The following ADORA2B variants were observed in gnomAD, a reference collection of about 807,000 sequenced individuals.
The protein encoded by ADORA2B is adenosine receptor A2b.
In ADORA2B, 18 loss-of-function variants were observed where a neutral mutation model predicts 20.8. The ratio of observed to expected loss-of-function variants is 0.87; its 90% CI spans 0.60 to 1.29. The LOEUF (loss-of-function observed/expected upper bound fraction) is 1.29. ADORA2B is among the 50% of genes most tolerant of loss of function. ADORA2B has a pLI of 0.00. For synonymous variants in ADORA2B, 179 were observed against 178.3 expected (o/e 1.00, Z -0.03); for missense variants, 441 against 422.7 (o/e 1.04, Z -0.38).
the ADORA2B span, among the ~76,000 whole-genome samples, chr17:15,871,123 G>A: frequency 6.6e-6 from 1 of 152,206 alleles, no homozygotes; most frequent in Non-Finnish European, 1.5e-5. Context: ...GTGCTTTGGG[G>A]CACCCGCTCC....
chr17:15,893,329 GTAAC>G, the ADORA2B span, among the ~76,000 whole-genome samples: 2 of 152,216 alleles, frequency 1.3e-5, no homozygotes, highest in African/African-American at 4.8e-5. Flanking sequence ...TTTGCAATGA[GTAAC>G]TACCATTTCC....
At chr17:15,866,680 G>GCTCTCCCTCTGCCTCTGC in the ADORA2B span, among the ~76,000 whole-genome samples, 1 of 114,284 alleles carries the variant, frequency 8.8e-6, no homozygotes, top group East Asian at 2.5e-4. Flanking sequence ...TCTTCTTTTG[G>GCTCTCCCTCTGCCTCTGC]CTCTCCCTCT....
the ADORA2B span, among the ~76,000 whole-genome samples, chr17:15,872,763 G>A: frequency 9.6e-3 from 1,462 of 152,272 alleles, 24 homozygotes; most frequent in African/African-American, 0.033. Context: ...TGTAACCTGA[G>A]ACTTGACTGT....
At position 15,951,811 on chromosome 17, in the gene ADORA2B, C is replaced by T. The variant is rs76655224; in HGVS notation, c.335+6228C>T. On this transcript the variant is annotated intron_variant, in intron 1 of 1. Coordinates refer to ENST00000304222, the MANE Select transcript of ADORA2B (RefSeq NM_000676.4). ...GGGAGATGGAGGTGGACTTGGTGTGCGTGGGGGTGCTGTGGACAGGTTCCC... is the reference window on the plus strand; with the variant it reads ...GGGAGATGGAGGTGGACTTGGTGTGTGTGGGGGTGCTGTGGACAGGTTCCC... Among the ~76,000 whole-genome samples the T allele has an allele frequency of 3.9e-3, 588 of 152,274 alleles. 7 individuals are homozygous for T. The highest frequency in any genetic ancestry group is 0.013 in the African/African-American group (554 of 41,568).
chr17:15,868,120 A>G, the ADORA2B span, among the ~76,000 whole-genome samples: 1 of 144,080 alleles, frequency 6.9e-6, no homozygotes, highest in Admixed American at 7.0e-5. Flanking sequence ...CTCAGGGTTG[A>G]ATGGATTAAG....
the ADORA2B span, among the ~76,000 whole-genome samples, chr17:15,859,640 A>G: frequency 2.0e-5 from 3 of 152,096 alleles, no homozygotes; most frequent in African/African-American, 7.2e-5. Context: ...CTGTATTTTT[A>G]TGGTCCTTTA....
At chr17:15,931,290 A>G in the ADORA2B span, among the ~76,000 whole-genome samples, 1 of 152,238 alleles carries the variant, frequency 6.6e-6, no homozygotes, top group Non-Finnish European at 1.5e-5. Flanking sequence ...CCAAGAGCCT[A>G]AATCCAAGGT....
the ADORA2B span, among the ~76,000 whole-genome samples, chr17:15,919,511 G>A: frequency 6.6e-6 from 1 of 152,178 alleles, no homozygotes; most frequent in Non-Finnish European, 1.5e-5. Context: ...CCAGCTATGG[G>A]TGTCATTTTG....
the ADORA2B span, among the ~76,000 whole-genome samples, chr17:15,863,376 C>T: frequency 1.6e-3 from 251 of 152,148 alleles, no homozygotes; most frequent in African/African-American, 5.8e-3. Flanking sequence ...ATGGGGGTCT[C>T]GCTCTGTTGC....
At chr17:15,860,764 T>G in the ADORA2B span, 6 of 157,608 alleles carry the variant, frequency 3.8e-5, no homozygotes, top group African/African-American at 1.4e-4. Context: ...GAGAATGATG[T>G]TTGATGGCAA....
chr17:15,869,613 G>A, the ADORA2B span, among the ~76,000 whole-genome samples: 2 of 152,132 alleles, frequency 1.3e-5, no homozygotes, highest in Non-Finnish European at 2.9e-5. Flanking sequence ...AAACCCATGA[G>A]GAGGGTGCTC....
chr17:15,957,555 G>A (rs969033371), intron 1 of ADORA2B, among the ~76,000 whole-genome samples: 4 of 152,140 alleles, frequency 2.6e-5, no homozygotes, highest in Admixed American at 2.0e-4. Flanking sequence ...ATTTCCGGTC[G>A]CCTGGGTGAT....
At chr17:15,883,248 A>T in the ADORA2B span, among the ~76,000 whole-genome samples, 1 of 152,252 alleles carries the variant, frequency 6.6e-6, no homozygotes, top group Non-Finnish European at 1.5e-5. Context: ...TAGTAAGCAC[A>T]TCCAAAAATA....
Position 15,945,264 on chromosome 17 carries a change from C to A in ADORA2B, c.16C>A (p.Gln6Lys), listed in dbSNP as rs749875147. Residue 6 changes from glutamine to lysine, a missense_variant, in exon 1 of 2, where the codon CAG (glutamine) becomes AAG (lysine). By Grantham distance (53) the Gln-to-Lys change is moderately conservative (BLOSUM62 1). Transcript: ENST00000304222. Reference protein sequence around the residue: MLLETQDALYVALELV... With the variant: MLLETKDALYVALELV... ...TGGCCCGGCCATGCTGCTGGAGACA[C>A]AGGACGCGCTGTACGTGGCGCTGGA... The A allele has an allele frequency of 2.7e-5, 40 of 1,492,246 alleles. No individual in the cohort carries two copies. Among genetic ancestry groups the A allele is most frequent in the Non-Finnish European group, 3.4e-5 (38 of 1,123,078 alleles). 92.4% of individuals were successfully genotyped at this position (1,492,246 alleles called of 1,614,324 possible).
the ADORA2B span, among the ~76,000 whole-genome samples, chr17:15,937,680 A>C: frequency 1.3e-5 from 2 of 151,490 alleles, no homozygotes; most frequent in Non-Finnish European, 2.9e-5. Context: ...TCAAGCGATT[A>C]TTCTGCCTCA....
the ADORA2B span, among the ~76,000 whole-genome samples, chr17:15,893,087 A>G: frequency 6.6e-6 from 1 of 152,240 alleles, no homozygotes; most frequent in Admixed American, 6.5e-5. Flanking sequence ...TTACCTTCCC[A>G]TGTGCAATTC....
At chr17:15,931,197 A>G in the ADORA2B span, among the ~76,000 whole-genome samples, 1 of 152,104 alleles carries the variant, frequency 6.6e-6, no homozygotes, top group African/African-American at 2.4e-5. Flanking sequence ...GAAAAGAGAA[A>G]CGCAGGGTGT....
At chr17:15,857,478 A>G in the ADORA2B span, among the ~76,000 whole-genome samples, 1 of 152,178 alleles carries the variant, frequency 6.6e-6, no homozygotes, top group African/African-American at 2.4e-5. Flanking sequence ...TGTACCGTGC[A>G]CCCAGAAAAA....
At chr17:15,925,408 C>G in the ADORA2B span, among the ~76,000 whole-genome samples, 1 of 152,106 alleles carries the variant, frequency 6.6e-6, no homozygotes, top group African/African-American at 2.4e-5. Context: ...CTCAGCCTCC[C>G]AAAGTACTGG....
Sources: allele counts gnomAD v4.1 joint callset (sites outside exome capture counted in the v4.1 genomes callset), GRCh38; gene constraint gnomAD v4.1.1; transcripts MANE v1.5; gene names NCBI Gene and HGNC (gene_info 2026-07-23, HGNC 2026-07-21).